Variants in ICE1 observed in about 807,000 individuals in gnomAD.
ICE1 encodes interactor of little elongation complex ELL subunit 1.
Under a neutral mutation model 192.7 loss-of-function variants are expected in ICE1, and 64 were observed. The ratio of observed to expected loss-of-function variants is 0.33; its 90% CI spans 0.27 to 0.41. The LOEUF (loss-of-function observed/expected upper bound fraction) is 0.41. Among genes scored for constraint, ICE1 ranks in the 10% least tolerant of loss-of-function variants. The pLI is 1.00. For synonymous variants in ICE1, 1,010 were observed against 984.5 expected, an observed-to-expected ratio of 1.03 and a Z score of -0.49; for missense variants, 2,708 against 2,696.0, an observed-to-expected ratio of 1.00 and a Z score of -0.10.
rs749524042 is a variant in ICE1 at position 5,463,941 on chromosome 5, C to A, written c.4607C>A (p.Ala1536Glu). ...YDQNFETQIV[A>E]SDHTYYNSKL... ...CAAAACTTCGAGACTCAGATTGTTG[C>A]GTCTGATCACACATATTATAACTCA... is the stretch of plus-strand genomic sequence containing the variant. The change falls in exon 13 of 19, where the codon GCG becomes GAG. Residue 1536 changes from alanine to glutamate, a missense_variant. This residue lies in a region of ICE1 where 2,366 missense variants were observed against 2,276.6 expected (regional missense o/e 1.04). Transcript: ENST00000296564. The A allele has an allele frequency of 1.2e-6, 2 of 1,613,784 alleles. No individual in the cohort carries two copies. The highest frequency in any genetic ancestry group is 1.1e-5 in the South Asian group (1 of 91,058).
At chr5:5,471,528 G>C (rs1012711337) in intron 15 of ICE1, among the ~76,000 whole-genome samples, 1 of 152,100 alleles carries the variant, frequency 6.6e-6, no homozygotes, top group Non-Finnish European at 1.5e-5. Context: ...GAGTCACTTA[G>C]ATGTAAAAAG....
At chr5:5,486,849 T>C in intron 18 of ICE1, 30 bp downstream of exon 18, 1 of 1,503,098 alleles carries the variant, frequency 6.7e-7, no homozygotes, top group African/African-American at 1.4e-5. Flanking sequence ...AAATTACTTT[T>C]AAGTAACTTG....
Position 5,462,294 on chromosome 5 carries a change from C to T in ICE1, c.2960C>T (p.Pro987Leu), listed in dbSNP as rs200070153. The stretch of plus-strand genomic sequence containing the variant: ...GGAGATGGGCAGAAGCAAAGGCAGC[C>T]TCAGGCCACAGATCTGGACTCCAGT... ...VQGDGQKQRQ[P>L]QATDLDSSGT... The change falls in exon 13 of 19, where the codon CCT (proline) becomes CTT (leucine). Residue 987 changes from proline (P) to leucine (L), a missense_variant. Around this residue, in one of 2 missense-constraint regions of ICE1, gnomAD observed 2,366 missense variants for 2,276.6 expected, o/e 1.04. Coordinates refer to ENST00000296564, the MANE Select transcript of ICE1 (RefSeq NM_015325.3). 2.7e-4 allele frequency: 434 copies of T among 1,613,832 alleles called. No individual in the cohort carries two copies. The African/African-American group carries it at 5.2e-3, about 19-fold the overall frequency.
chr5:5,431,522 G>C (rs1186449769), intron 1 of ICE1, among the ~76,000 whole-genome samples: 2 of 152,188 alleles, frequency 1.3e-5, no homozygotes. Context: ...AGACTTTGCA[G>C]ATTTGAAAAT....
At position 5,464,053 on chromosome 5, in the gene ICE1, G is replaced by C. The variant is rs376609563; in HGVS notation, c.4719G>C (p.Ser1573=). The change falls in exon 13 of 19, where the codon TCG becomes TCC. Residue 1573 remains serine (S), a synonymous_variant. Transcript: ENST00000296564. This position sits in a 1 kb window ranked among gnomAD's most constrained non-coding sequence, Gnocchi z 4.0. ...QSNKPVKTSA[S]SRVETHQSEV... is the part of the protein sequence containing the mutation. ...ACAAACCAGTAAAAACTTCAGCGTC[G>C]AGCAGAGTTGAAACTCATCAGAGTG... 1.9e-6 allele frequency: 3 copies of C among 1,613,398 alleles called. No homozygotes were observed. The African/African-American group carries it at 4.0e-5, about 22-fold the overall frequency.
At position 5,462,822 on chromosome 5, in the gene ICE1, CTTT is replaced by C. The variant is rs759452940; in HGVS notation, c.3491_3493del (p.Phe1164del). On this transcript the variant is annotated inframe_deletion, in exon 13 of 19. Coordinates refer to ENST00000296564, the MANE Select transcript of ICE1 (RefSeq NM_015325.3). ...GCTCTGCAAGATTTTAACATAAGTA[CTTT>C]TTCTGAGCTGGATAGACTTTCCACA... 1 of 1,611,502 alleles carries C rather than the reference CTTT, an allele frequency of 6.2e-7. No homozygotes were observed. Among genetic ancestry groups the C allele is most frequent in the South Asian group, 1.1e-5 (1 of 90,622 alleles).
chr5:5,445,058 A>G (rs1294297204), intron 7 of ICE1, among the ~76,000 whole-genome samples: 3 of 152,206 alleles, frequency 2.0e-5, no homozygotes, highest in Non-Finnish European at 2.9e-5. Context: ...CCTGGACTGC[A>G]GCGGGCATCT....
At chr5:5,443,282 C>A in intron 6 of ICE1, 38 bp downstream of exon 6, 2 of 1,114,764 alleles carry the variant, frequency 1.8e-6, no homozygotes, top group South Asian at 1.6e-5. Flanking sequence ...ATACGGTTTT[C>A]AGTTTTGAAA....
In ICE1 at chr5:5,454,625, C is replaced by T. The variant is rs751954450; in HGVS notation, c.678C>T (p.Ser226=). ...CACACAGACTACCTGGTGAAGGCAG[C>T]AGGTGTGTCCCAGGTGAGAGAGAAG... ...NTTHRLPGEG[S]RCVPEKPAKA... The change falls in exon 11 of 19, where the codon AGC becomes AGT. Residue 226 remains serine (S), a synonymous_variant. Transcript: ENST00000296564. 20 of 1,612,822 alleles carry T rather than the reference C, an allele frequency of 1.2e-5. No homozygotes were observed. The highest frequency in any genetic ancestry group is 1.7e-5 in the Non-Finnish European group (20 of 1,179,230).
rs1579565100 is a variant in ICE1, at chr5:5,462,644, G to A, written c.3310G>A (p.Gly1104Arg). ...LHCYTGIREG[G>R]DDTEVESEAF... is the part of the protein sequence containing the mutation. ...TTGTTACACAGGCATTCGAGAGGGG[G>A]GAGACGACACTGAGGTAGAGAGTGA... Residue 1104 changes from glycine to arginine, a missense_variant, in exon 13 of 19, where the codon GGA (glycine) becomes AGA (arginine). By Grantham distance (125) the Gly-to-Arg change is moderately radical (BLOSUM62 -2). This residue lies in a region of ICE1 where 2,366 missense variants were observed against 2,276.6 expected (regional missense o/e 1.04). Coordinates refer to ENST00000296564, the MANE Select transcript of ICE1 (RefSeq NM_015325.3). 1 of 1,613,942 alleles carries A rather than the reference G, an allele frequency of 6.2e-7. No homozygotes were observed. Among genetic ancestry groups the A allele is most frequent in the East Asian group, 2.2e-5 (1 of 44,878 alleles).
In ICE1 at chr5:5,461,731, A is replaced by G; in HGVS notation, c.2397A>G (p.Lys799=). The G allele has an allele frequency of 6.2e-7, 1 of 1,613,796 alleles. No homozygotes were observed. The highest frequency in any genetic ancestry group is 8.5e-7 in the Non-Finnish European group (1 of 1,179,788). The change falls in exon 13 of 19, where the codon AAA becomes AAG. Residue 799 remains lysine (K), a synonymous_variant. Transcript: ENST00000296564. ...GGCACCATAGTGATTTATTAAGGAA[A>G]GGTGGCGAAGAAAGTCTGAGAGCCA... ...TSWHHSDLLR[K]GGEESLRAKS...
intron 15 of ICE1, 35 bp from the exon 16 acceptor site, chr5:5,473,523 C>T (rs1324357071): frequency 6.4e-7 from 1 of 1,568,008 alleles, no homozygotes; most frequent in Non-Finnish European, 8.7e-7. Context: ...CTATTTGAAA[C>T]TCCAGATTTT....
chr5:5,459,323 T>A (rs902364364), intron 12 of ICE1, among the ~76,000 whole-genome samples: 10 of 152,130 alleles, frequency 6.6e-5, no homozygotes, highest in Admixed American at 6.5e-4. Flanking sequence ...GAGTCAAAGA[T>A]GTTGAAAAAT....
chr5:5,443,224 A>C lies in ICE1; in HGVS notation c.366A>C (p.Glu122Asp). Residue 122 changes from glutamate to aspartate, a missense_variant, in exon 6 of 19, where the codon GAA (glutamate) becomes GAC (aspartate). Glu to Asp is a conservative substitution (Grantham distance 45, BLOSUM62 2). Transcript: ENST00000296564. Reference protein sequence around the residue: ...THQEYARVKEECLKSDAQKKK... With the variant: ...THQEYARVKEDCLKSDAQKKK... ...AGGAATATGCTCGTGTAAAGGAAGA[A>C]TGCTTGAAGAGTGATGCTCAGTAAG... 4 of 1,508,506 alleles carry C rather than the reference A, an allele frequency of 2.7e-6. No homozygotes were observed. The highest frequency in any genetic ancestry group is 3.6e-6 in the Non-Finnish European group (4 of 1,122,462). The allele number at this position is 1,508,506 out of a possible 1,614,324, so 93.4% of individuals were successfully genotyped here. A position where few individuals can be genotyped will look rare whatever the true frequency, so the allele number is the denominator to read the frequency against.
chr5:5,444,138 T>C, intron 6 of ICE1, 151 bp from the exon 7 acceptor site: 3 of 573,552 alleles, frequency 5.2e-6, no homozygotes, highest in Middle Eastern at 9.5e-4. Flanking sequence ...TCATACTAAA[T>C]AGTATATTAT....
At chr5:5,473,785 T>C in intron 16 of ICE1, 37 bp downstream of exon 16, 1 of 1,428,824 alleles carries the variant, frequency 7.0e-7, no homozygotes, top group Non-Finnish European at 9.4e-7. Flanking sequence ...AGATATGTTA[T>C]TGTAAGGTTG....
Position 5,461,482 on chromosome 5 carries a change from T to C in ICE1, c.2148T>C (p.Asn716=). 9.9e-6 allele frequency: 16 copies of C among 1,613,982 alleles called. No homozygotes were observed. Among genetic ancestry groups the C allele is most frequent in the Non-Finnish European group, 1.4e-5 (16 of 1,179,884 alleles). The change falls in exon 13 of 19, where the codon AAT becomes AAC. Residue 716 remains asparagine (N), a synonymous_variant. Coordinates refer to ENST00000296564, the MANE Select transcript of ICE1 (RefSeq NM_015325.3). ...LSPELGASNF[N]DQKSSGIEYT... Reference sequence around the variant, plus strand: ...CTGAATTGGGAGCATCTAATTTTAATGATCAGAAGAGCAGTGGGATAGAAT... The same window carrying C: ...CTGAATTGGGAGCATCTAATTTTAACGATCAGAAGAGCAGTGGGATAGAAT...
Position 5,463,655 on chromosome 5 carries a change from C to G in ICE1, c.4321C>G (p.Leu1441Val), listed in dbSNP as rs1386123063. 6.2e-7 allele frequency: 1 copy of G among 1,613,836 alleles called. No homozygotes were observed. The highest frequency in any genetic ancestry group is 1.1e-5 in the South Asian group (1 of 91,072). Residue 1441 changes from leucine to valine, a missense_variant, in exon 13 of 19, where the codon CTG becomes GTG. Physicochemically the swap from Leu to Val is conservative, Grantham distance 32 (BLOSUM62 1). Coordinates refer to ENST00000296564, the MANE Select transcript of ICE1 (RefSeq NM_015325.3). ...AVLPHVDQVT[L>V]CDIPGDIPIS... The stretch of plus-strand genomic sequence containing the variant: ...CTTGCCACATGTGGACCAGGTCACA[C>G]TGTGTGACATTCCTGGAGACATCCC...
intron 15 of ICE1, 36 bp downstream of exon 15, chr5:5,469,024 T>G: frequency 7.4e-7 from 1 of 1,342,926 alleles, no homozygotes; most frequent in Non-Finnish European, 9.9e-7. Context: ...GTATCTTACT[T>G]TTAGATATTA....
Sources: allele counts gnomAD v4.1 joint callset (sites outside exome capture counted in the v4.1 genomes callset), GRCh38; gene constraint gnomAD v4.1.1; regional missense constraint gnomAD v4.1.1; non-coding constraint Gnocchi (gnomAD v3.1); transcripts MANE v1.5; gene names NCBI Gene and HGNC (gene_info 2026-07-23, HGNC 2026-07-21).